The following RNF152 variants were observed in gnomAD, a reference collection of about 807,000 sequenced individuals.
RNF152 encodes the protein ring finger protein 152.
In RNF152, 11 loss-of-function variants were observed where a neutral mutation model predicts 12.7. The ratio of observed to expected loss-of-function variants is 0.86; its 90% CI spans 0.54 to 1.43. The LOEUF (loss-of-function observed/expected upper bound fraction) is 1.43, where lower values mean the gene tolerates loss of function less well. Ranked by LOEUF, RNF152 falls within the 40% of genes most tolerant of loss-of-function variation. The pLI is 0.00. For missense variants in RNF152, 255 were observed against 274.8 expected, an observed-to-expected ratio of 0.93 and a Z score of 0.51; for synonymous variants, 113 against 120.3, an observed-to-expected ratio of 0.94 and a Z score of 0.40.
At chr18:61,850,492 T>G (rs1387822949) in intron 1 of RNF152, among the ~76,000 whole-genome samples, 7 of 152,208 alleles carry the variant, frequency 4.6e-5, no homozygotes, top group Non-Finnish European at 8.8e-5. Context: ...GAGTTAAAAA[T>G]AACACATCAC....
chr18:61,833,563 C>A (rs1322042832), intron 1 of RNF152, among the ~76,000 whole-genome samples: 3 of 152,158 alleles, frequency 2.0e-5, no homozygotes, highest in Non-Finnish European at 2.9e-5. Flanking sequence ...CAGACACACA[C>A]AAACATGATT....
At chr18:61,825,762 C>G (rs1026143632) in intron 1 of RNF152, among the ~76,000 whole-genome samples, 29 of 152,122 alleles carry the variant, frequency 1.9e-4, no homozygotes, top group Non-Finnish European at 3.2e-4. Flanking sequence ...AGTGCCCCTA[C>G]TCTTCATGTC....
At chr18:61,818,572 T>G (rs1045514817) in intron 1 of RNF152, among the ~76,000 whole-genome samples, 6 of 152,154 alleles carry the variant, frequency 3.9e-5, no homozygotes, top group Non-Finnish European at 8.8e-5. Context: ...TTACTGAAAG[T>G]GAAATACAGT....
intron 1 of RNF152, among the ~76,000 whole-genome samples, chr18:61,817,938 T>A (rs79017230): frequency 0.075 from 11,374 of 152,112 alleles, 520 homozygotes; most frequent in African/African-American, 0.12. Context: ...AAAGAATTAC[T>A]CAACCACTAT....
In RNF152 at chr18:61,813,054, A is replaced by C. The variant is rs1431976155; in HGVS notation, c.*2798T>G. The C allele has an allele frequency of 6.6e-6, 1 of 152,152 alleles. No homozygotes were observed. The highest frequency in any genetic ancestry group is 2.4e-5 in the African/African-American group (1 of 41,412). 9.4% of individuals were successfully genotyped at this position (152,152 alleles called of 1,614,324 possible). A position where few individuals can be genotyped will look rare whatever the true frequency, so the allele number is the denominator to read the frequency against. ...AATGAAGCCACCGGAGGCTGCTTTC[A>C]GCTCTTTCTGTGCTTTCCAGTTGTG... is the stretch of plus-strand genomic sequence containing the variant. On this transcript the variant is annotated 3_prime_UTR_variant, in exon 2 of 2. Coordinates refer to ENST00000312828, the MANE Select transcript of RNF152 (RefSeq NM_173557.3).
At chr18:61,886,551 A>T (rs1912707689) in intron 1 of RNF152, among the ~76,000 whole-genome samples, 1 of 152,246 alleles carries the variant, frequency 6.6e-6, no homozygotes, top group Non-Finnish European at 1.5e-5. Context: ...GGCTAATTGC[A>T]GGTCACAACT....
intron 1 of RNF152, among the ~76,000 whole-genome samples, chr18:61,867,854 C>T (rs1911808810): frequency 6.6e-6 from 1 of 152,318 alleles, no homozygotes; most frequent in African/African-American, 2.4e-5. Context: ...ATGTCCAGTG[C>T]ACACTAATTC....
intron 1 of RNF152, among the ~76,000 whole-genome samples, chr18:61,836,661 T>C (rs1420972730): frequency 6.6e-6 from 1 of 152,098 alleles, no homozygotes; most frequent in East Asian, 1.9e-4. Flanking sequence ...ACCCAGTCAA[T>C]GTTGTTTTGT....
intron 1 of RNF152, among the ~76,000 whole-genome samples, chr18:61,831,256 G>A (rs971456454): frequency 3.9e-5 from 6 of 152,140 alleles, no homozygotes; most frequent in African/African-American, 1.4e-4. Flanking sequence ...GCCACTTCTC[G>A]TCTTGTAAAT....
intron 1 of RNF152, among the ~76,000 whole-genome samples, chr18:61,819,452 A>G (rs1051813005): frequency 1.3e-5 from 2 of 152,226 alleles, no homozygotes; most frequent in Non-Finnish European, 2.9e-5. Context: ...AGGCTATTAC[A>G]TTAGGCAAGA....
Position 61,815,815 on chromosome 18 carries a change from A to C in RNF152, c.*37T>G. The C allele has an allele frequency of 6.3e-7, 1 of 1,596,482 alleles. No homozygotes were observed. Among genetic ancestry groups the C allele is most frequent in the South Asian group, 1.1e-5 (1 of 88,342 alleles). On this transcript the variant is annotated 3_prime_UTR_variant, in exon 2 of 2. Coordinates refer to ENST00000312828, the MANE Select transcript of RNF152 (RefSeq NM_173557.3). ...CTCATCATCAACCTGCTCAACCCCT[A>C]AGTTGGCACCCACAAGAGACTTCCC...
chr18:61,853,874 G>A (rs8085799), intron 1 of RNF152, among the ~76,000 whole-genome samples: 7,389 of 152,198 alleles, frequency 0.049, 603 homozygotes, highest in African/African-American at 0.17. Context: ...ATGAGGACAA[G>A]GACTTCTCTG....
At chr18:61,841,761 G>T (rs1277454648) in intron 1 of RNF152, among the ~76,000 whole-genome samples, 1 of 152,234 alleles carries the variant, frequency 6.6e-6, no homozygotes, top group Non-Finnish European at 1.5e-5. Context: ...TCTTAGACTA[G>T]TGCTTCTCAA....
intron 1 of RNF152, among the ~76,000 whole-genome samples, chr18:61,845,355 C>T (rs933771216): frequency 7.2e-5 from 11 of 152,286 alleles, no homozygotes; most frequent in Admixed American, 6.5e-5. Context: ...CAATGAAGTC[C>T]GCTCAGAGTG....
chr18:61,846,976 T>C (rs1910766460), intron 1 of RNF152, among the ~76,000 whole-genome samples: 2 of 152,034 alleles, frequency 1.3e-5, no homozygotes, highest in African/African-American at 4.8e-5. Context: ...CATGTGTAAC[T>C]CAGGGACAAT....
chr18:61,836,086 C>A (rs537744543), intron 1 of RNF152, among the ~76,000 whole-genome samples: 1 of 152,282 alleles, frequency 6.6e-6, no homozygotes, highest in African/African-American at 2.4e-5. Flanking sequence ...AGTCTAGTAA[C>A]AATGAGCACA....
intron 1 of RNF152, among the ~76,000 whole-genome samples, chr18:61,833,634 T>TGTTTTTTTTTTAGCTGTTTTTTTCTTTAG (rs1472107980): frequency 6.6e-6 from 1 of 152,224 alleles, no homozygotes; most frequent in African/African-American, 2.4e-5. Flanking sequence ...GTTAGTCTCG[T>TGTTTTTTTTTTAGCTGTTTTTTTCTTTAG]CTGTTTGTTT....
Position 61,856,995 on chromosome 18 carries a change from C to T in RNF152, c.-136+35800G>A, listed in dbSNP as rs139657840. Among the ~76,000 whole-genome samples the T allele has an allele frequency of 7.9e-5, 12 of 152,262 alleles. No individual in the cohort carries two copies. In the East Asian group the frequency reaches 2.3e-3, roughly 29 times the overall value. Reference sequence around the variant, plus strand: ...TTAGATACAGAGCTATTACCCAGGGCAACATTTTAAATTAATTAAGTAGTA... The same window carrying T: ...TTAGATACAGAGCTATTACCCAGGGTAACATTTTAAATTAATTAAGTAGTA... On this transcript the variant is annotated intron_variant, in intron 1 of 1. Coordinates refer to ENST00000312828, the MANE Select transcript of RNF152 (RefSeq NM_173557.3).
At chr18:61,879,602 T>C (rs1351022963) in intron 1 of RNF152, among the ~76,000 whole-genome samples, 2 of 152,024 alleles carry the variant, frequency 1.3e-5, no homozygotes, top group African/African-American at 4.8e-5. Flanking sequence ...TACAAAAGGG[T>C]ATGATTTATT....
Sources: gnomAD v4.1 joint callset for allele counts (sites outside exome capture counted in the v4.1 genomes callset) on GRCh38, gnomAD v4.1.1 for gene constraint, MANE v1.5 for transcripts, NCBI Gene and HGNC (gene_info 2026-07-23, HGNC 2026-07-21) for gene names.